USP35: variants seen among roughly 807,000 people sequenced by gnomAD.
The protein encoded by USP35 is ubiquitin specific peptidase 35.
USP35 carries 69 observed loss-of-function variants against 83.8 expected under a neutral mutation model. The observed-to-expected ratio is 0.82, with a 90% CI of 0.68 to 1.01. The LOEUF is 1.01. Among genes scored for constraint, USP35 ranks in the 50% least tolerant of loss-of-function variants. The pLI, the probability that USP35 is intolerant of heterozygous loss-of-function variation, is 0.00. For synonymous variants in USP35, 714 were observed against 589.5 expected (o/e 1.21, Z -3.06); for missense variants, 1,503 against 1,362.5 (o/e 1.10, Z -1.62).
At chr11:78,215,554 T>C (rs905455765), downstream of USP35, 1 of 152,652 alleles carries the variant, frequency 6.6e-6, no homozygotes, top group African/African-American at 2.4e-5. Context: ...AGACAAGAAC[T>C]CAAGACTGGG....
rs781270495 is a variant in USP35 at position 78,213,659 on chromosome 11, A to C, written c.2903A>C (p.Glu968Ala). 1.0e-5 allele frequency: 15 copies of C among 1,492,962 alleles called. No individual in the cohort carries two copies. The highest frequency in any genetic ancestry group is 4.4e-5 in the African/African-American group (3 of 67,880). 92.5% of individuals were successfully genotyped at this position (1,492,962 alleles called of 1,614,324 possible). The change falls in exon 11 of 11, where the codon GAG (glutamate) becomes GCG (alanine). Residue 968 changes from glutamate (E) to alanine (A), a missense_variant. Physicochemically the swap from Glu to Ala is moderately radical, Grantham distance 107 (BLOSUM62 -1). Coordinates refer to ENST00000529308, the MANE Select transcript of USP35 (RefSeq NM_020798.4). Reference sequence around the variant, plus strand: ...CTGTGTTCCCAGGAGCAGGAGAAGGAGGCCCGGAGCAGGGCGGCCTACATC... The same window carrying C: ...CTGTGTTCCCAGGAGCAGGAGAAGGCGGCCCGGAGCAGGGCGGCCTACATC... ...NILYLQEQEK[E>A]ARSRAAYISA...
chr11:78,216,289 C>G (rs1864143370), downstream of USP35: 1 of 152,208 alleles, frequency 6.6e-6, no homozygotes, highest in Non-Finnish European at 1.5e-5. Flanking sequence ...GGCAGGGGGC[C>G]TGTGTGAAGC....
At chr11:78,193,366 A>C (rs1053755624) in intron 1 of USP35, among the ~76,000 whole-genome samples, 126 of 144,202 alleles carry the variant, frequency 8.7e-4, no homozygotes, top group African/African-American at 3.4e-3. Flanking sequence ...TAATTGATGT[A>C]ATTTTTTTTT....
At chr11:78,209,414 T>G (rs1863647318) in intron 9 of USP35, 34 bp from the exon 10 acceptor site, 1 of 1,544,460 alleles carries the variant, frequency 6.5e-7, no homozygotes, top group Non-Finnish European at 8.7e-7. Flanking sequence ...GGGACCCGCA[T>G]GTACATGTAG....
Position 78,213,047 on chromosome 11 carries a change from G to GTGTT in USP35, c.2890-597_2890-594dup, listed in dbSNP as rs564716739. On this transcript the variant is annotated intron_variant, in intron 10 of 10. Transcript: ENST00000529308. ...GGATGGGTGCCAGTGCCTGGAGTTT[G>GTGTT]TGTTTTGTGCGGGGGAATACAGCAA... Among the ~76,000 whole-genome samples, 9 of 152,330 alleles carry GTGTT rather than the reference G, an allele frequency of 5.9e-5. No homozygotes were observed. The South Asian group carries it at 1.9e-3, about 32-fold the overall frequency.
At chr11:78,204,322 G>T (rs1863468833) in intron 6 of USP35, among the ~76,000 whole-genome samples, 1 of 152,150 alleles carries the variant, frequency 6.6e-6, no homozygotes, top group Admixed American at 6.5e-5. Context: ...ATTTCGCATG[G>T]GTTCTATGAG....
intron 2 of USP35, among the ~76,000 whole-genome samples, chr11:78,197,326 C>CA (rs1281860850): frequency 1.3e-5 from 2 of 151,886 alleles, no homozygotes; most frequent in Non-Finnish European, 2.9e-5. Flanking sequence ...TTGGTGGCAC[C>CA]TGGCAGCAGG....
the USP35 span, chr11:78,226,614 G>C: frequency 6.2e-7 from 1 of 1,600,456 alleles, no homozygotes; most frequent in East Asian, 2.2e-5. Context: ...GGGGGGGCGG[G>C]GTGGGGGAGC....
chr11:78,195,750 T>G (rs1302092147), intron 1 of USP35, among the ~76,000 whole-genome samples: 1 of 152,180 alleles, frequency 6.6e-6, no homozygotes, highest in Non-Finnish European at 1.5e-5. Flanking sequence ...GTTAATTTAT[T>G]TTGAGACAGG....
At chr11:78,225,628 C>T in the USP35 span, among the ~76,000 whole-genome samples, 1 of 152,176 alleles carries the variant, frequency 6.6e-6, no homozygotes, top group African/African-American at 2.4e-5. Flanking sequence ...CATCTCAGTT[C>T]CAAAACGGAG....
intron 10 of USP35, among the ~76,000 whole-genome samples, chr11:78,213,111 A>C (rs1863861564): frequency 6.6e-6 from 1 of 152,034 alleles, no homozygotes; most frequent in Non-Finnish European, 1.5e-5. Flanking sequence ...ACCAACATCA[A>C]CTCCTTCTTC....
At chr11:78,208,432 G>A (rs1026941813) in intron 8 of USP35, among the ~76,000 whole-genome samples, 2 of 152,190 alleles carry the variant, frequency 1.3e-5, no homozygotes, top group Non-Finnish European at 2.9e-5. Context: ...ATTATGCAAA[G>A]CTCTGTGTGG....
chr11:78,203,253 A>T (rs138176386), intron 6 of USP35, among the ~76,000 whole-genome samples: 7 of 152,286 alleles, frequency 4.6e-5, no homozygotes, highest in Non-Finnish European at 8.8e-5. Flanking sequence ...CAGGAGTTTG[A>T]TCTTACTGTA....
At chr11:78,218,497 C>G (rs1439789112), downstream of USP35, 1 of 152,744 alleles carries the variant, frequency 6.5e-6, no homozygotes, top group Non-Finnish European at 1.5e-5. Flanking sequence ...CCCACAGTGT[C>G]CTTGTCATCT....
At chr11:78,226,979 G>A in the USP35 span, 2 of 1,613,772 alleles carry the variant, frequency 1.2e-6, no homozygotes, top group South Asian at 2.2e-5. Flanking sequence ...CATTGCCCTG[G>A]GCAAGTTTTT....
At chr11:78,198,271 C>G (rs1863217363) in intron 3 of USP35, among the ~76,000 whole-genome samples, 1 of 152,188 alleles carries the variant, frequency 6.6e-6, no homozygotes, top group African/African-American at 2.4e-5. Flanking sequence ...GAGAGCCTGC[C>G]CTAGTGATGC....
chr11:78,233,639 C>T, the USP35 span, among the ~76,000 whole-genome samples: 2 of 152,140 alleles, frequency 1.3e-5, no homozygotes, highest in Admixed American at 1.3e-4. Flanking sequence ...GTCTTGCTCA[C>T]TCTGTCGCCC....
chr11:78,200,396 C>T (rs926945316), intron 5 of USP35, among the ~76,000 whole-genome samples, 162 bp downstream of exon 5: 1 of 152,226 alleles, frequency 6.6e-6, no homozygotes, highest in Non-Finnish European at 1.5e-5. Flanking sequence ...TCTGGCCTCC[C>T]TTTGACTGTG....
At chr11:78,209,026 A>G in intron 9 of USP35, 63 bp downstream of exon 9, 1 of 1,510,412 alleles carries the variant, frequency 6.6e-7, no homozygotes. Context: ...CAAGCCCAGT[A>G]CCTCTGAGCT....
Sources: gnomAD v4.1 joint callset for allele counts (sites outside exome capture counted in the v4.1 genomes callset) on GRCh38, gnomAD v4.1.1 for gene constraint, MANE v1.5 for transcripts, NCBI Gene and HGNC (gene_info 2026-07-23, HGNC 2026-07-21) for gene names.